IL1RAP: variants seen among roughly 807,000 people sequenced by gnomAD.
The protein encoded by IL1RAP is interleukin 1 receptor accessory protein.
A neutral mutation model predicts 60.7 loss-of-function variants in IL1RAP; 35 were observed. The observed-to-expected ratio is 0.58, with a 90% CI of 0.44 to 0.76. The LOEUF (loss-of-function observed/expected upper bound fraction) is 0.76, where lower values mean the gene tolerates loss of function less well. Among genes scored for constraint, IL1RAP ranks in the 30% least tolerant of loss-of-function variants. IL1RAP has a pLI of 0.00. For missense variants in IL1RAP, 572 were observed against 693.9 expected, an observed-to-expected ratio of 0.82 and a Z score of 1.97; for synonymous variants, 268 against 250.9, an observed-to-expected ratio of 1.07 and a Z score of -0.64.
At chr3:190,654,104 GTGTT>G (rs1425786814), downstream of IL1RAP, among the ~76,000 whole-genome samples, 1 of 151,806 alleles carries the variant, frequency 6.6e-6, no homozygotes, top group Non-Finnish European at 1.5e-5. Flanking sequence ...ATCTGGAACA[GTGTT>G]TGTTGTATTT....
intron 1 of IL1RAP, among the ~76,000 whole-genome samples, chr3:190,534,648 T>C (rs887179838): frequency 3.3e-5 from 5 of 152,190 alleles, no homozygotes; most frequent in Non-Finnish European, 7.3e-5. Context: ...CAGACATGAC[T>C]CTTTTTCCTG....
At chr3:190,599,856 A>T (rs1054976822) in intron 3 of IL1RAP, among the ~76,000 whole-genome samples, 1 of 151,784 alleles carries the variant, frequency 6.6e-6, no homozygotes, top group Admixed American at 6.6e-5. Flanking sequence ...TCTAAAAAAA[A>T]ATCTATTAAA....
At chr3:190,549,599 A>G (rs1414573002) in intron 1 of IL1RAP, among the ~76,000 whole-genome samples, 1 of 152,214 alleles carries the variant, frequency 6.6e-6, no homozygotes, top group Non-Finnish European at 1.5e-5. Context: ...GGACAGCTCA[A>G]AAATCCTGAG....
At chr3:190,627,821 G>A (rs1732441827) in intron 8 of IL1RAP, among the ~76,000 whole-genome samples, 1 of 152,118 alleles carries the variant, frequency 6.6e-6, no homozygotes, top group Non-Finnish European at 1.5e-5. Flanking sequence ...ACAATCAAGG[G>A]TTGTGGGTAC....
rs558398928 is a variant in IL1RAP at position 190,572,915 on chromosome 3, G to C, written c.64+8562G>C. On this transcript the variant is annotated intron_variant, in intron 3 of 11. Transcript: ENST00000447382. ...GTCTCGCTCTGTCGCCCAGGCTGGA[G>C]TGCAGTGGCGGGATCTCGGCTCACT... 3.4e-4 allele frequency among the ~76,000 whole-genome samples: 15 copies of C among 43,918 alleles called. 2 individuals carry two copies. The highest frequency in any genetic ancestry group is 3.0e-3 in the East Asian group (9 of 3,042). The allele number at this position is 43,918 out of a possible 152,430, so 28.8% of individuals were successfully genotyped here.
intron 8 of IL1RAP, 93 bp downstream of exon 8, chr3:190,627,542 C>A (rs1732415726): frequency 7.1e-7 from 1 of 1,415,112 alleles, no homozygotes; most frequent in Non-Finnish European, 9.3e-7. Context: ...TAAAAATTCT[C>A]ATTTTTCCCT....
At chr3:190,631,317 A>T (rs1732769988) in intron 9 of IL1RAP, among the ~76,000 whole-genome samples, 1 of 152,226 alleles carries the variant, frequency 6.6e-6, no homozygotes, top group Non-Finnish European at 1.5e-5. Flanking sequence ...GTAATGTAGG[A>T]GTGAAGCACA....
In IL1RAP at chr3:190,582,637, G is replaced by A. The variant is rs547802714; in HGVS notation, c.64+18284G>A. On this transcript the variant is annotated intron_variant, in intron 3 of 11. Transcript: ENST00000447382. The stretch of plus-strand genomic sequence containing the variant: ...TGGCACATTCTTAAATTTTTCTGCA[G>A]TAGCCTCATAATTAGCTGTTTCTCC... Among the ~76,000 whole-genome samples the A allele has an allele frequency of 2.6e-5, 4 of 152,188 alleles. No individual in the cohort carries two copies. The East Asian group carries it at 7.7e-4, about 29-fold the overall frequency.
chr3:190,611,803 AAG>A (rs1228994197), intron 5 of IL1RAP, among the ~76,000 whole-genome samples: 1 of 152,142 alleles, frequency 6.6e-6, no homozygotes, highest in Non-Finnish European at 1.5e-5. Flanking sequence ...TAAAATGACT[AAG>A]AGGGATGGAG....
chr3:190,524,633 A>G lies in IL1RAP; in HGVS notation c.-89+10414A>G, dbSNP rs115173641. On this transcript the variant is annotated intron_variant, in intron 1 of 11. Transcript: ENST00000447382. The stretch of plus-strand genomic sequence containing the variant: ...TTTTATTTCACCTCCAGTAGATTAT[A>G]AAGTCCACAAGGACAGGGACACTTG... Among the ~76,000 whole-genome samples the G allele has an allele frequency of 2.5e-3, 378 of 152,272 alleles. 2 individuals carry two copies. The highest frequency in any genetic ancestry group is 0.012 in the South Asian group (57 of 4,828).
At chr3:190,558,842 A>G (rs1045667125) in intron 2 of IL1RAP, among the ~76,000 whole-genome samples, 13 of 152,294 alleles carry the variant, frequency 8.5e-5, no homozygotes, top group Admixed American at 2.6e-4. Context: ...TGAATATGGT[A>G]TGTCTCTTCT....
chr3:190,562,709 C>T (rs1206479228), intron 2 of IL1RAP, among the ~76,000 whole-genome samples: 8 of 148,300 alleles, frequency 5.4e-5, no homozygotes, highest in African/African-American at 7.3e-5. Flanking sequence ...CACACACACA[C>T]ACACACACAC....
chr3:190,568,511 A>G (rs111729505), intron 3 of IL1RAP, among the ~76,000 whole-genome samples: 2,044 of 152,292 alleles, frequency 0.013, 49 homozygotes, highest in African/African-American at 0.046. Context: ...CATCTATCCA[A>G]TGATTGGGAG....
At chr3:190,562,189 T>G (rs992254535) in intron 2 of IL1RAP, among the ~76,000 whole-genome samples, 4 of 152,232 alleles carry the variant, frequency 2.6e-5, no homozygotes, top group Non-Finnish European at 5.9e-5. Flanking sequence ...CACTGAAAGT[T>G]TCTTTTTCTC....
At chr3:190,519,296 A>G (rs1721807218) in intron 1 of IL1RAP, among the ~76,000 whole-genome samples, 1 of 152,184 alleles carries the variant, frequency 6.6e-6, no homozygotes, top group Admixed American at 6.5e-5. Context: ...TATTCCCTGG[A>G]GATGTATTTT....
intron 3 of IL1RAP, among the ~76,000 whole-genome samples, chr3:190,601,906 A>G (rs2108747122): frequency 6.6e-6 from 1 of 152,230 alleles, no homozygotes; most frequent in East Asian, 1.9e-4. Flanking sequence ...GTGACAACAG[A>G]GTTCCAAGAG....
At chr3:190,549,225 G>A (rs943814752) in intron 1 of IL1RAP, among the ~76,000 whole-genome samples, 4 of 152,112 alleles carry the variant, frequency 2.6e-5, no homozygotes, top group African/African-American at 9.7e-5. Flanking sequence ...TCTTGCAAAC[G>A]GTGTGAACCT....
At chr3:190,543,689 G>C (rs1313613040) in intron 1 of IL1RAP, among the ~76,000 whole-genome samples, 1 of 152,140 alleles carries the variant, frequency 6.6e-6, no homozygotes, top group Non-Finnish European at 1.5e-5. Context: ...GGGGAAGGAA[G>C]GCACGGGGTG....
chr3:190,637,715 A>G (rs1433301351), intron 9 of IL1RAP, among the ~76,000 whole-genome samples: 3 of 152,296 alleles, frequency 2.0e-5, no homozygotes, highest in Middle Eastern at 3.4e-3. Flanking sequence ...CTATTAAGAT[A>G]TAGAATATTA....
Sources: gnomAD v4.1 joint callset for allele counts (sites outside exome capture counted in the v4.1 genomes callset) on GRCh38, gnomAD v4.1.1 for gene constraint, MANE v1.5 for transcripts, NCBI Gene and HGNC (gene_info 2026-07-23, HGNC 2026-07-21) for gene names.